The following DPYD variants were observed in gnomAD, a reference collection of about 807,000 sequenced individuals.
DPYD encodes dihydropyrimidine dehydrogenase [NADP(+)].
In DPYD, 109 loss-of-function variants were observed where a neutral mutation model predicts 116.2. The ratio of observed to expected loss-of-function variants is 0.94; its 90% confidence interval spans 0.80 to 1.10. DPYD has a LOEUF of 1.10. DPYD is among the 50% of genes least tolerant of loss of function. The pLI is 0.00. For synonymous variants in DPYD, 440 were observed against 432.0 expected, an observed-to-expected ratio of 1.02 and a Z score of -0.23; for missense variants, 1,302 against 1,254.5, an observed-to-expected ratio of 1.04 and a Z score of -0.57.
intron 8 of DPYD, among the ~76,000 whole-genome samples, chr1:97,628,348 T>G (rs961408691): frequency 6.6e-6 from 1 of 152,078 alleles, no homozygotes; most frequent in African/African-American, 2.4e-5. Flanking sequence ...CGTATCACAT[T>G]CCTAGACACC....
intron 8 of DPYD, among the ~76,000 whole-genome samples, chr1:97,604,594 C>A (rs976411108): frequency 6.6e-6 from 1 of 151,860 alleles, no homozygotes; most frequent in African/African-American, 2.4e-5. Context: ...TAGATTTTTA[C>A]AAGAAATATG....
In DPYD at chr1:97,906,418, T is replaced by C. The variant is rs758262779; in HGVS notation, c.39+14466A>G. On this transcript the variant is annotated intron_variant, in intron 1 of 22. Transcript: ENST00000370192. ...TATAATTATTGGTGAAATTGCCTCA[T>C]CTTCTGTTCTGTATCAAAAGCACAT... Among the ~76,000 whole-genome samples the C allele has an allele frequency of 6.6e-5, 10 of 152,208 alleles. No individual in the cohort carries two copies. In the Middle Eastern group the frequency reaches 0.014, roughly 207 times the overall value.
intron 16 of DPYD, among the ~76,000 whole-genome samples, chr1:97,325,828 G>A (rs1203091819): frequency 1.3e-5 from 2 of 151,870 alleles, no homozygotes; most frequent in East Asian, 1.9e-4. Flanking sequence ...GGAATGCATG[G>A]TATCATATGA....
intron 8 of DPYD, among the ~76,000 whole-genome samples, chr1:97,608,513 A>G (rs1655742748): frequency 6.6e-6 from 1 of 151,784 alleles, no homozygotes. Flanking sequence ...TGGGTAACGT[A>G]GCGACACCTA....
chr1:97,516,815 T>C (rs1187171847), intron 12 of DPYD, among the ~76,000 whole-genome samples: 1 of 151,980 alleles, frequency 6.6e-6, no homozygotes, highest in African/African-American at 2.4e-5. Context: ...AAAGTGTCTC[T>C]CTCACTCCAT....
At chr1:97,798,481 G>C (rs1168112211) in intron 3 of DPYD, among the ~76,000 whole-genome samples, 1 of 151,744 alleles carries the variant, frequency 6.6e-6, no homozygotes, top group Non-Finnish European at 1.5e-5. Context: ...AATCCTGTGA[G>C]GCAGGTACTA....
intron 2 of DPYD, among the ~76,000 whole-genome samples, chr1:97,832,531 A>G (rs79140822): frequency 0.013 from 1,972 of 152,306 alleles, 157 homozygotes; most frequent in Admixed American, 0.11. Flanking sequence ...GGAATCCAAT[A>G]TACACATTTA....
In DPYD at chr1:97,774,774, G is replaced by A. The variant is rs1666310702; in HGVS notation, c.234-34295C>T. On this transcript the variant is annotated intron_variant, in intron 3 of 22. Coordinates refer to ENST00000370192, the MANE Select transcript of DPYD (RefSeq NM_000110.4). ...AACAGCACCTAAATTGAACTACCCT[G>A]AAGTAGTTGGTAACTGGGAAAGAAC... The A allele has an allele frequency of 1.7e-5, 3 of 179,512 alleles. No homozygotes were observed. The South Asian group carries it at 4.6e-4, about 27-fold the overall frequency. The allele number at this position is 179,512 out of a possible 1,614,324, so 11.1% of individuals were successfully genotyped here.
At chr1:97,882,346 A>G (rs1571524019) in intron 2 of DPYD, among the ~76,000 whole-genome samples, 1 of 152,044 alleles carries the variant, frequency 6.6e-6, no homozygotes, top group East Asian at 1.9e-4. Context: ...AAAACTTAAA[A>G]TTAGATAAAT....
intron 12 of DPYD, among the ~76,000 whole-genome samples, chr1:97,534,847 TA>T (rs1448927980): frequency 3.9e-5 from 6 of 152,058 alleles, no homozygotes; most frequent in African/African-American, 1.4e-4. Context: ...CAATCAACCA[TA>T]ATGGGTATTC....
At chr1:97,915,814 T>C (rs1046687660) in intron 1 of DPYD, among the ~76,000 whole-genome samples, 5 of 152,094 alleles carry the variant, frequency 3.3e-5, no homozygotes, top group African/African-American at 1.2e-4. Context: ...AATTGGCCAA[T>C]CCTCCATTTT....
At chr1:97,610,444 T>G (rs1655868246) in intron 8 of DPYD, among the ~76,000 whole-genome samples, 1 of 152,036 alleles carries the variant, frequency 6.6e-6, no homozygotes, top group Non-Finnish European at 1.5e-5. Context: ...GGATTCATCT[T>G]GAAAGGAGAT....
intron 19 of DPYD, among the ~76,000 whole-genome samples, chr1:97,218,749 T>C (rs1023994286): frequency 6.6e-6 from 1 of 151,928 alleles, no homozygotes; most frequent in Non-Finnish European, 1.5e-5. Flanking sequence ...ATATGCCAAA[T>C]CAAAAGTGAT....
At chr1:97,771,617 T>C (rs573122940) in intron 3 of DPYD, among the ~76,000 whole-genome samples, 96 of 152,370 alleles carry the variant, frequency 6.3e-4, no homozygotes, top group Non-Finnish European at 1.1e-3. Flanking sequence ...GATACCATAT[T>C]CCCTTACATC....
chr1:97,715,046 T>G (rs2101011293), intron 5 of DPYD, among the ~76,000 whole-genome samples: 1 of 152,286 alleles, frequency 6.6e-6, no homozygotes, highest in South Asian at 2.1e-4. Flanking sequence ...ATTCTGAGGA[T>G]TAATCAAGCT....
intron 1 of DPYD, among the ~76,000 whole-genome samples, chr1:97,908,345 C>T (rs1264526111): frequency 1.3e-5 from 2 of 152,028 alleles, no homozygotes; most frequent in Non-Finnish European, 1.5e-5. Context: ...CGTACCTGGC[C>T]TGGCTGTCCT....
intron 20 of DPYD, among the ~76,000 whole-genome samples, chr1:97,099,268 T>C (rs986725829): frequency 6.6e-6 from 1 of 152,060 alleles, no homozygotes; most frequent in South Asian, 2.1e-4. Flanking sequence ...GAGGCAAAAA[T>C]AGAAATGAAA....
chr1:97,290,566 AC>A (rs1666072467), intron 18 of DPYD, among the ~76,000 whole-genome samples: 1 of 152,224 alleles, frequency 6.6e-6, no homozygotes, highest in Non-Finnish European at 1.5e-5. Context: ...GAGAAACCTG[AC>A]AAAAACAAGA....
chr1:97,201,575 G>T (rs1659204863), intron 19 of DPYD, among the ~76,000 whole-genome samples: 1 of 152,018 alleles, frequency 6.6e-6, no homozygotes, highest in Non-Finnish European at 1.5e-5. Context: ...TAAAAATATA[G>T]GTTAAAAGAC....
Sources: allele counts gnomAD v4.1 joint callset (sites outside exome capture counted in the v4.1 genomes callset), GRCh38; gene constraint gnomAD v4.1.1; transcripts MANE v1.5; gene names NCBI Gene and HGNC (gene_info 2026-07-23, HGNC 2026-07-21).